The following FNDC1 variants were observed in gnomAD, a reference collection of about 807,000 sequenced individuals.
FNDC1 encodes fibronectin type III domain containing 1.
Under a neutral mutation model 168.0 loss-of-function variants are expected in FNDC1, and 96 were observed. The observed-to-expected ratio is 0.57, with a 90% CI of 0.48 to 0.68. The LOEUF is 0.68. FNDC1 is among the 30% of genes least tolerant of loss of function. The pLI is 0.00. For synonymous variants in FNDC1, 1,099 were observed against 1,025.9 expected, an observed-to-expected ratio of 1.07 and a Z score of -1.36; for missense variants, 2,587 against 2,482.1, an observed-to-expected ratio of 1.04 and a Z score of -0.90.
Position 159,234,450 on chromosome 6 carries a change from G to T in FNDC1, c.3938G>T (p.Arg1313Leu), listed in dbSNP as rs370574813. 12 of 1,613,306 alleles carry T rather than the reference G, an allele frequency of 7.4e-6. No homozygotes were observed. Among genetic ancestry groups the T allele is most frequent in the African/African-American group, 1.3e-5 (1 of 74,930 alleles). The change falls in exon 11 of 23, where the codon CGA becomes CTA. Residue 1313 changes from arginine (R) to leucine (L), a missense_variant. Transcript: ENST00000297267. Reference protein sequence around the residue: ...MHARFRNPLSRQPARPSYRQG... With the variant: ...MHARFRNPLSLQPARPSYRQG... ...GCCAGATTCCGTAACCCTCTCTCCC[G>T]ACAGCCTGCCAGACCCTCTTACAGA... is the stretch of plus-strand genomic sequence containing the variant.
chr6:159,185,211 T>C (rs1012673959), intron 1 of FNDC1, among the ~76,000 whole-genome samples: 1 of 152,202 alleles, frequency 6.6e-6, no homozygotes, highest in Non-Finnish European at 1.5e-5. Context: ...GTCTGATTTA[T>C]GGCTGCATCA....
chr6:159,225,360 C>A (rs967931973), intron 7 of FNDC1, among the ~76,000 whole-genome samples, 175 bp from the exon 8 acceptor site: 3 of 152,092 alleles, frequency 2.0e-5, no homozygotes, highest in African/African-American at 7.2e-5. Flanking sequence ...CCACTTTAGA[C>A]AACTTTGCTT....
intron 15 of FNDC1, 80 bp from the exon 16 acceptor site, chr6:159,248,959 A>G: frequency 2.2e-6 from 3 of 1,375,418 alleles, no homozygotes; most frequent in Non-Finnish European, 2.9e-6. Flanking sequence ...CTACAGTTGA[A>G]TGTAAGAAGG....
At chr6:159,245,444 G>A (rs1010173555) in intron 14 of FNDC1, among the ~76,000 whole-genome samples, 6 of 152,048 alleles carry the variant, frequency 3.9e-5, no homozygotes, top group African/African-American at 1.4e-4. Context: ...CTATTTAATT[G>A]CTGTGGGCTT....
chr6:159,267,908 G>A lies in FNDC1; in HGVS notation c.5551G>A (p.Ala1851Thr), dbSNP rs1289248769. The change falls in exon 22 of 23, where the codon GCC becomes ACC. Residue 1851 changes from alanine (A) to threonine (T), a missense_variant. Ala to Thr is a moderately conservative substitution (Grantham distance 58). Transcript: ENST00000297267. ...GRTGPQSYVEALPTIQGYYRQ... is the reference protein window; with the variant it reads ...GRTGPQSYVETLPTIQGYYRQ... ...AACAGGGCCTCAGTCCTATGTAGAA[G>A]CCCTCCCTACTATTCAAGGTAATAC... 2 of 1,610,998 alleles carry A rather than the reference G, an allele frequency of 1.2e-6. No homozygotes were observed. Among genetic ancestry groups the A allele is most frequent in the South Asian group, 2.2e-5 (2 of 90,290 alleles).
Position 159,200,495 on chromosome 6 carries a change from T to G in FNDC1, c.392-18T>G, listed in dbSNP as rs1432440799. On this transcript the variant is annotated intron_variant, in intron 3 of 22. Transcript: ENST00000297267. ...CAGTCCTCGTTTCTAACTATCAAGT[T>G]GCATTTCCCTAATTTAGGAGGTGAA... The G allele has an allele frequency of 1.3e-6, 2 of 1,584,002 alleles. No homozygotes were observed. Among genetic ancestry groups the G allele is most frequent in the East Asian group, 2.3e-5 (1 of 44,176 alleles).
chr6:159,176,495 C>T (rs575432328), intron 1 of FNDC1, among the ~76,000 whole-genome samples: 3 of 152,306 alleles, frequency 2.0e-5, no homozygotes, highest in African/African-American at 7.2e-5. Context: ...TTGAGAAGGA[C>T]ATAGGCATTA....
At chr6:159,246,735 T>G (rs1487638590) in intron 14 of FNDC1, among the ~76,000 whole-genome samples, 166 bp from the exon 15 acceptor site, 3 of 152,120 alleles carry the variant, frequency 2.0e-5, no homozygotes, top group African/African-American at 7.2e-5. Flanking sequence ...TCCATTTCAG[T>G]GCTTTGATGA....
rs1307708009 is a variant in FNDC1 at position 159,231,954 on chromosome 6, C to T, written c.1442C>T (p.Ser481Phe). 1.2e-6 allele frequency: 2 copies of T among 1,613,872 alleles called. No homozygotes were observed. The highest frequency in any genetic ancestry group is 1.1e-5 in the South Asian group (1 of 91,082). Residue 481 changes from serine (S) to phenylalanine (F), a missense_variant, in exon 11 of 23, where the codon TCT (serine) becomes TTT (phenylalanine). Coordinates refer to ENST00000297267, the MANE Select transcript of FNDC1 (RefSeq NM_032532.3). ...KPEKPEPSSPSPRAPASSQHP... is the reference protein window; with the variant it reads ...KPEKPEPSSPFPRAPASSQHP... The stretch of plus-strand genomic sequence containing the variant: ...GAAAAACCTGAGCCTTCCTCACCTT[C>T]TCCCAGAGCTCCAGCTTCCTCCCAA...
At position 159,233,002 on chromosome 6, in the gene FNDC1, G is replaced by C. The variant is rs756090540; in HGVS notation, c.2490G>C (p.Arg830Ser). The C allele has an allele frequency of 1.9e-6, 3 of 1,612,496 alleles. No homozygotes were observed. Among genetic ancestry groups the C allele is most frequent in the Non-Finnish European group, 2.5e-6 (3 of 1,179,672 alleles). ...ACAAACCCTTTGCTGCCAACGGGAGGTCTCCAAGCAGGTTCAGCATTGGGC... is the reference window on the plus strand; with the variant it reads ...ACAAACCCTTTGCTGCCAACGGGAGCTCTCCAAGCAGGTTCAGCATTGGGC... ...LRHKPFAANG[R>S]SPSRFSIGRG... The change falls in exon 11 of 23, where the codon AGG (arginine) becomes AGC (serine). Residue 830 changes from arginine to serine, a missense_variant. Physicochemically the swap from Arg to Ser is moderately radical, Grantham distance 110. Transcript: ENST00000297267. This position sits in a 1 kb window ranked among gnomAD's most constrained non-coding sequence, Gnocchi z 4.6.
chr6:159,177,190 A>G (rs1477897000), intron 1 of FNDC1, among the ~76,000 whole-genome samples: 1 of 152,124 alleles, frequency 6.6e-6, no homozygotes, highest in Admixed American at 6.5e-5. Flanking sequence ...AGTGGTAAGT[A>G]ACTTGGCTTA....
chr6:159,240,360 G>A (rs1007319186), intron 14 of FNDC1, among the ~76,000 whole-genome samples: 4 of 152,138 alleles, frequency 2.6e-5, no homozygotes, highest in African/African-American at 4.8e-5. Flanking sequence ...TAATATATAT[G>A]TATATACTTA....
chr6:159,233,504 C>G lies in FNDC1; in HGVS notation c.2992C>G (p.Pro998Ala). The change falls in exon 11 of 23, where the codon CCC becomes GCC. Residue 998 changes from proline to alanine, a missense_variant. By Grantham distance (27) the Pro-to-Ala change is conservative. Coordinates refer to ENST00000297267, the MANE Select transcript of FNDC1 (RefSeq NM_032532.3). This position sits in a 1 kb window ranked among gnomAD's most constrained non-coding sequence, Gnocchi z 4.6. ...QHPSVPRRMT[P>A]GRAPQQQPPP... is the part of the protein sequence containing the mutation. ...TCCCAGTGTTCCCAGAAGGATGACA[C>G]CCGGCCGGGCCCCACAACAGCAGCC... 6.2e-7 allele frequency: 1 copy of G among 1,602,786 alleles called. No individual in the cohort carries two copies. Among genetic ancestry groups the G allele is most frequent in the Non-Finnish European group, 8.5e-7 (1 of 1,177,864 alleles).
chr6:159,263,617 C>T (rs1361446507), intron 19 of FNDC1, among the ~76,000 whole-genome samples: 1 of 151,996 alleles, frequency 6.6e-6, no homozygotes, highest in African/African-American at 2.4e-5. Context: ...AAAAAATTAG[C>T]CAGGTGTGGT....
In FNDC1 at chr6:159,214,883, G is replaced by A. The variant is rs1012087650; in HGVS notation, c.461-62G>A. 5 of 1,472,012 alleles carry A rather than the reference G, an allele frequency of 3.4e-6. No individual in the cohort carries two copies. In the African/African-American group the frequency reaches 5.6e-5, roughly 16 times the overall value. The allele number at this position is 1,472,012 out of a possible 1,614,324, so 91.2% of individuals were successfully genotyped here. ...GGCTCAGGGTCTGAAGACCTCATGT[G>A]CATGATGGCAAACTCTAAGTGGTCT... On this transcript the variant is annotated intron_variant, in intron 4 of 22. Coordinates refer to ENST00000297267, the MANE Select transcript of FNDC1 (RefSeq NM_032532.3).
rs1391424625 is a variant in FNDC1, at chr6:159,230,151, TG to T, written c.1369+149del. On this transcript the variant is annotated intron_variant, in intron 10 of 22. Transcript: ENST00000297267. ...TGCATATTGATTTTTAAAATATTTT[TG>T]TGTTTCCTTTAGAAATTAGTCTTCT... The T allele has an allele frequency of 4.0e-5, 25 of 630,144 alleles. No individual in the cohort carries two copies. The African/African-American group carries it at 4.7e-4, about 12-fold the overall frequency. 39.0% of individuals were successfully genotyped at this position (630,144 alleles called of 1,614,324 possible).
chr6:159,184,137 G>A (rs1323026400), intron 1 of FNDC1, among the ~76,000 whole-genome samples: 3 of 152,238 alleles, frequency 2.0e-5, no homozygotes, highest in Admixed American at 6.5e-5. Flanking sequence ...ACACCAAAGT[G>A]CAGTGCACAG....
At chr6:159,257,921 T>C (rs1297501690) in intron 18 of FNDC1, among the ~76,000 whole-genome samples, 1 of 114,820 alleles carries the variant, frequency 8.7e-6, no homozygotes, top group Non-Finnish European at 2.1e-5. Context: ...TTTTTTTTTT[T>C]TTGGCGAGTG....
At chr6:159,265,962 A>G in intron 20 of FNDC1, 122 bp from the exon 21 acceptor site, 1 of 1,021,564 alleles carries the variant, frequency 9.8e-7, no homozygotes, top group Non-Finnish European at 1.4e-6. Flanking sequence ...AAACAAACAA[A>G]CAAACAAAAA....
Sources: gnomAD v4.1 joint callset for allele counts (sites outside exome capture counted in the v4.1 genomes callset) on GRCh38, gnomAD v4.1.1 for gene constraint, Gnocchi (gnomAD v3.1) non-coding constraint, MANE v1.5 for transcripts, NCBI Gene and HGNC (gene_info 2026-07-23, HGNC 2026-07-21) for gene names.